DENND5B: variants seen among roughly 807,000 people sequenced by gnomAD.
The protein encoded by DENND5B is DENN domain-containing protein 5B.
Under a neutral mutation model 140.6 loss-of-function variants are expected in DENND5B, and 34 were observed. The observed-to-expected ratio is 0.24, with a 90% CI of 0.18 to 0.32. DENND5B has a LOEUF of 0.32. Ranked by LOEUF, DENND5B falls within the 10% of genes least tolerant of loss-of-function variation. DENND5B has a pLI of 1.00. For synonymous variants in DENND5B, 551 were observed against 562.1 expected, an observed-to-expected ratio of 0.98 and a Z score of 0.28; for missense variants, 1,142 against 1,560.2, an observed-to-expected ratio of 0.73 and a Z score of 4.52.
At chr12:31,428,049 T>C (rs1423689373) in intron 8 of DENND5B, among the ~76,000 whole-genome samples, 1 of 152,186 alleles carries the variant, frequency 6.6e-6, no homozygotes, top group Non-Finnish European at 1.5e-5. Flanking sequence ...AACAAAATAA[T>C]GTTTTTTTCC....
intron 1 of DENND5B, among the ~76,000 whole-genome samples, chr12:31,553,449 C>A (rs964556840): frequency 2.0e-5 from 3 of 152,108 alleles, no homozygotes; most frequent in Non-Finnish European, 2.9e-5. Flanking sequence ...AATTTCTGTT[C>A]TTTTACATTT....
chr12:31,508,563 C>A (rs1182508620), intron 1 of DENND5B, among the ~76,000 whole-genome samples: 1 of 152,166 alleles, frequency 6.6e-6, no homozygotes, highest in African/African-American at 2.4e-5. Context: ...ACGAGACTCA[C>A]TGGGAAAGAG....
intron 4 of DENND5B, among the ~76,000 whole-genome samples, chr12:31,454,812 CTTTTTT>C (rs201720111): frequency 1.1e-5 from 1 of 93,882 alleles, no homozygotes; most frequent in African/African-American, 5.6e-5. Context: ...GATTCAGTAT[CTTTTTT>C]TTTTTTTTTT....
intron 7 of DENND5B, among the ~76,000 whole-genome samples, chr12:31,438,695 G>C (rs1943891449): frequency 6.6e-6 from 1 of 152,062 alleles, no homozygotes; most frequent in Non-Finnish European, 1.5e-5. Context: ...AATGTACAAA[G>C]ACCTGGGTGT....
rs750821475 is a variant in DENND5B at position 31,392,306 on chromosome 12, G to A, written c.3427C>T (p.Arg1143Cys). Residue 1143 changes from arginine to cysteine, a missense_variant, in exon 19 of 21, where the codon CGC (arginine) becomes TGC (cysteine). Coordinates refer to ENST00000389082, the MANE Select transcript of DENND5B (RefSeq NM_144973.4). ...QVFHHGFKSARIFHKNVFIWD... is the reference protein window; with the variant it reads ...QVFHHGFKSACIFHKNVFIWD... The stretch of plus-strand genomic sequence containing the variant: ...ATGAAGACATTCTTGTGAAAGATGC[G>A]GGCAGATTTGAACCCATGGTGGAAA... The A allele has an allele frequency of 9.3e-6, 15 of 1,613,614 alleles. No individual in the cohort carries two copies. The highest frequency in any genetic ancestry group is 1.7e-5 in the Admixed American group (1 of 59,976).
chr12:31,394,385 T>C (rs1941318402), intron 17 of DENND5B, among the ~76,000 whole-genome samples: 1 of 152,166 alleles, frequency 6.6e-6, no homozygotes, highest in African/African-American at 2.4e-5. Flanking sequence ...AAATGGGGGA[T>C]AAAAGCCTCT....
At chr12:31,390,541 C>A (rs777406991) in intron 19 of DENND5B, among the ~76,000 whole-genome samples, 2 of 152,032 alleles carry the variant, frequency 1.3e-5, no homozygotes, top group Non-Finnish European at 2.9e-5. Context: ...CAGGCTGAGG[C>A]AGGAGAATTG....
chr12:31,577,374 G>A (rs1950049440), intron 1 of DENND5B, among the ~76,000 whole-genome samples: 3 of 152,076 alleles, frequency 2.0e-5, no homozygotes, highest in Non-Finnish European at 2.9e-5. Context: ...AGGTCTCTGG[G>A]AATCTATAAA....
rs1419259122 is a variant in DENND5B at position 31,452,363 on chromosome 12, T to C, written c.1206A>G (p.Gln402=). 9.3e-6 allele frequency: 15 copies of C among 1,613,820 alleles called. No individual in the cohort carries two copies. The highest frequency in any genetic ancestry group is 2.7e-5 in the African/African-American group (2 of 74,910). ...FIQELSEVLV[Q]FGIPPEGSLH... is the part of the protein sequence containing the mutation. ...GGCTGCCCTCAGGAGGGATCCCAAATTGAACAAGAACCTCAGAGAGTTCTT... is the reference window on the plus strand; with the variant it reads ...GGCTGCCCTCAGGAGGGATCCCAAACTGAACAAGAACCTCAGAGAGTTCTT... The change falls in exon 5 of 21, where the codon CAA becomes CAG. Residue 402 remains glutamine (Q), a synonymous_variant. Transcript: ENST00000389082.
chr12:31,533,724 T>G lies in DENND5B; in HGVS notation c.128-37805A>C, dbSNP rs571832357. On this transcript the variant is annotated intron_variant, in intron 1 of 20. Coordinates refer to ENST00000389082, the MANE Select transcript of DENND5B (RefSeq NM_144973.4). ...CTAAAAGGTCATACTGATTCACCAT[T>G]AGAATAAAGATCACATGTAGGTTGA... is the stretch of plus-strand genomic sequence containing the variant. Among the ~76,000 whole-genome samples the G allele has an allele frequency of 1.1e-4, 17 of 152,272 alleles. No individual in the cohort carries two copies. The South Asian group carries it at 2.3e-3, about 20-fold the overall frequency.
At chr12:31,530,708 G>C (rs1948251266) in intron 1 of DENND5B, among the ~76,000 whole-genome samples, 1 of 152,176 alleles carries the variant, frequency 6.6e-6, no homozygotes, top group African/African-American at 2.4e-5. Flanking sequence ...TTAAAGCCAT[G>C]TTCAGACATA....
intron 1 of DENND5B, among the ~76,000 whole-genome samples, chr12:31,548,557 C>T (rs1377129595): frequency 6.6e-6 from 1 of 152,068 alleles, no homozygotes; most frequent in African/African-American, 2.4e-5. Context: ...GTTCAATAAA[C>T]AAATAAATGT....
Position 31,398,280 on chromosome 12 carries a change from C to T in DENND5B, c.3151G>A (p.Ala1051Thr). 6.4e-7 allele frequency: 1 copy of T among 1,568,318 alleles called. No individual in the cohort carries two copies. The highest frequency in any genetic ancestry group is 8.7e-7 in the Non-Finnish European group (1 of 1,155,810). ...RILIGELMTS[A>T]SDEDLVKQCR... is the part of the protein sequence containing the mutation. ...TGCTTTACTAGATCTTCATCTGATGCTGATGTCATCAACTCTCCAATAAGA... is the reference window on the plus strand; with the variant it reads ...TGCTTTACTAGATCTTCATCTGATGTTGATGTCATCAACTCTCCAATAAGA... The change falls in exon 17 of 21, where the codon GCA becomes ACA. Residue 1051 changes from alanine (A) to threonine (T), a missense_variant. By Grantham distance (58) the Ala-to-Thr change is moderately conservative. Transcript: ENST00000389082.
chr12:31,429,403 TTTA>T (rs775502388), intron 8 of DENND5B, among the ~76,000 whole-genome samples: 5 of 152,148 alleles, frequency 3.3e-5, no homozygotes, highest in East Asian at 1.9e-4. Flanking sequence ...TTTTTATTTA[TTTA>T]TTATTATTAT....
intron 1 of DENND5B, among the ~76,000 whole-genome samples, chr12:31,545,792 A>C (rs916811259): frequency 6.6e-6 from 1 of 151,810 alleles, no homozygotes; most frequent in African/African-American, 2.4e-5. Context: ...ATGTCTACAA[A>C]ACAAAATAAA....
intron 1 of DENND5B, among the ~76,000 whole-genome samples, chr12:31,551,103 T>C (rs976435849): frequency 3.3e-5 from 5 of 152,110 alleles, no homozygotes; most frequent in African/African-American, 4.8e-5. Context: ...TTTGTTGCCA[T>C]TGCTTTTGGT....
At chr12:31,535,253 T>C (rs1948446810) in intron 1 of DENND5B, 1 of 198,184 alleles carries the variant, frequency 5.0e-6, no homozygotes, top group Non-Finnish European at 1.0e-5. Flanking sequence ...GGGACCTAAG[T>C]GTCCACTGCA....
chr12:31,572,686 T>C (rs1218533481), intron 1 of DENND5B, among the ~76,000 whole-genome samples: 1 of 152,188 alleles, frequency 6.6e-6, no homozygotes, highest in African/African-American at 2.4e-5. Flanking sequence ...GTGCTTATTA[T>C]AAGAAGGTTA....
intron 6 of DENND5B, chr12:31,444,178 CTG>C (rs2138005835): frequency 6.6e-6 from 1 of 152,292 alleles, no homozygotes; most frequent in East Asian, 1.9e-4. Flanking sequence ...ACAGAACACA[CTG>C]TGGGAGCTGC....
Sources: gnomAD v4.1 joint callset for allele counts (sites outside exome capture counted in the v4.1 genomes callset) on GRCh38, gnomAD v4.1.1 for gene constraint, MANE v1.5 for transcripts, NCBI Gene and HGNC (gene_info 2026-07-23, HGNC 2026-07-21) for gene names.